PSMA6: variants seen among roughly 807,000 people sequenced by gnomAD.
The protein encoded by PSMA6 is proteasome subunit alpha type-6.
For synonymous variants in PSMA6, 88 were observed against 97.7 expected (o/e 0.90, Z 0.59); for missense variants, 170 against 294.8 (o/e 0.58, Z 3.10).
chr14:35,296,597 G>A (rs2051593817), intron 1 of PSMA6, among the ~76,000 whole-genome samples: 1 of 152,088 alleles, frequency 6.6e-6, no homozygotes, highest in African/African-American at 2.4e-5. Context: ...CCAAAGTTCT[G>A]GGATTACAAG....
chr14:35,278,730 A>T, intron 1 of PSMA6: 6 of 1,534,154 alleles, frequency 3.9e-6, no homozygotes, highest in Non-Finnish European at 5.2e-6. Context: ...TAAGTCCCTC[A>T]CTCAGACTTG....
chr14:35,289,978 G>T (rs1456161301), upstream of PSMA6, among the ~76,000 whole-genome samples: 1 of 150,898 alleles, frequency 6.6e-6, no homozygotes, highest in African/African-American at 2.4e-5. Context: ...CAGAGGGGGA[G>T]AAGTATTAAG....
intron 6 of PSMA6, 198 bp from the exon 7 acceptor site, chr14:35,317,051 A>G (rs904539874): frequency 4.0e-6 from 2 of 500,556 alleles, no homozygotes; most frequent in Non-Finnish European, 7.1e-6. Flanking sequence ...TGAAGGTGGT[A>G]TAATATCTGG....
chr14:35,306,523 G>C (rs1361110315), intron 1 of PSMA6, among the ~76,000 whole-genome samples: 5 of 152,096 alleles, frequency 3.3e-5, no homozygotes, highest in African/African-American at 1.2e-4. Flanking sequence ...AGTCAACATG[G>C]TGAAACCCTG....
intron 1 of PSMA6, among the ~76,000 whole-genome samples, chr14:35,286,390 C>T (rs916818880): frequency 6.6e-6 from 1 of 152,164 alleles, no homozygotes; most frequent in African/African-American, 2.4e-5. Context: ...ACGGTTAAGC[C>T]CAAGCCAGCT....
At chr14:35,289,988 G>T (rs2051460921), upstream of PSMA6, among the ~76,000 whole-genome samples, 1 of 149,734 alleles carries the variant, frequency 6.7e-6, no homozygotes, top group Non-Finnish European at 1.5e-5. Context: ...GAAGTATTAA[G>T]AAATTAAGAC....
At chr14:35,311,017 G>T in intron 4 of PSMA6, 122 bp downstream of exon 4, 3 of 934,740 alleles carry the variant, frequency 3.2e-6, no homozygotes, top group Non-Finnish European at 3.2e-6. Context: ...TACATAGAGT[G>T]GGAAAATCTT....
At chr14:35,311,787 G>T (rs1268867304) in intron 4 of PSMA6, among the ~76,000 whole-genome samples, 1 of 152,148 alleles carries the variant, frequency 6.6e-6, no homozygotes, top group Non-Finnish European at 1.5e-5. Context: ...CTTGGTTTGT[G>T]TGACTTACTA....
chr14:35,291,325 C>G (rs1183265783), upstream of PSMA6, among the ~76,000 whole-genome samples: 1 of 151,912 alleles, frequency 6.6e-6, no homozygotes, highest in Non-Finnish European at 1.5e-5. Flanking sequence ...TCACGCCGTT[C>G]TCCTGCCTCA....
chr14:35,284,411 C>T lies in PSMA6; in HGVS notation c.19+5693C>T, dbSNP rs574138325. Reference sequence around the variant, plus strand: ...CCTTTGGCCCGTGAGCATATAAGGTCATTTTCTCATCTGTGCTGCTCTGTT... The same window carrying T: ...CCTTTGGCCCGTGAGCATATAAGGTTATTTTCTCATCTGTGCTGCTCTGTT... On this transcript the variant is annotated intron_variant, in intron 1 of 6. Transcript: ENST00000540871. Among the ~76,000 whole-genome samples the T allele has an allele frequency of 3.4e-3, 523 of 152,188 alleles. 2 individuals carry two copies. The highest frequency in any genetic ancestry group is 5.0e-3 in the Non-Finnish European group (337 of 68,002).
chr14:35,314,470 G>A lies in PSMA6; in HGVS notation c.683+15G>A. ...CCTAAATTCAGGTGAGTGATATTGT[G>A]GGCCACATGCAGACTAGAAAGGTGG... is the stretch of plus-strand genomic sequence containing the variant. On this transcript the variant is annotated intron_variant, in intron 6 of 6. Transcript: ENST00000261479. The A allele has an allele frequency of 6.2e-7, 1 of 1,605,598 alleles. No individual in the cohort carries two copies. The highest frequency in any genetic ancestry group is 8.5e-7 in the Non-Finnish European group (1 of 1,174,866).
rs59477296 is a variant in PSMA6, at chr14:35,314,947, ATGTGTGTGTGTG to A, written c.683+518_683+529del. The A allele has an allele frequency of 3.9e-3, 556 of 141,224 alleles. 2 individuals are homozygous for A. Among genetic ancestry groups the A allele is most frequent in the Admixed American group, 9.7e-3 (134 of 13,812 alleles). The allele number at this position is 141,224 out of a possible 1,614,324, so 8.7% of individuals were successfully genotyped here. A position where few individuals can be genotyped will look rare whatever the true frequency, so the allele number is the denominator to read the frequency against. ...CAGCTAATTGACTTGCAGTTGCTGG[ATGTGTGTGTGTG>A]TGTGTGTGTGTGTGTGTGTGTGTGT... On this transcript the variant is annotated intron_variant, in intron 6 of 6. Coordinates refer to ENST00000261479, the MANE Select transcript of PSMA6 (RefSeq NM_002791.3).
At chr14:35,309,074 G>A (rs1043573772) in intron 3 of PSMA6, 79 bp downstream of exon 3, 75 of 1,154,922 alleles carry the variant, frequency 6.5e-5, no homozygotes, top group Non-Finnish European at 8.8e-5. Context: ...TTTGAGTTTT[G>A]TATTAATTTT....
intron 1 of PSMA6, among the ~76,000 whole-genome samples, chr14:35,294,342 G>C (rs1438093604): frequency 6.6e-6 from 1 of 152,218 alleles, no homozygotes; most frequent in African/African-American, 2.4e-5. Context: ...AGCCTAGACA[G>C]AATGATTTTA....
intron 6 of PSMA6, chr14:35,315,025 T>C (rs939473175): frequency 6.6e-6 from 1 of 151,214 alleles, no homozygotes; most frequent in Non-Finnish European, 1.5e-5. Context: ...ATCAGCCTTA[T>C]AGCTTCCATG....
Position 35,300,808 on chromosome 14 carries a change from G to A in PSMA6, c.77-7186G>A, listed in dbSNP as rs189584423. Among the ~76,000 whole-genome samples, 79 of 152,246 alleles carry A rather than the reference G, an allele frequency of 5.2e-4. No homozygotes were observed. In the East Asian group the frequency reaches 0.014, roughly 27 times the overall value. On this transcript the variant is annotated intron_variant, in intron 1 of 6. Coordinates refer to ENST00000261479, the MANE Select transcript of PSMA6 (RefSeq NM_002791.3). ...ATAAGAATGGACATTTCTTGGGAAA[G>A]GGCAGGAGGTTAGAGTCAAGAGTGA...
intron 1 of PSMA6, among the ~76,000 whole-genome samples, chr14:35,295,029 A>T (rs55693281): frequency 0.13 from 19,215 of 152,190 alleles, 1,419 homozygotes; most frequent in Middle Eastern, 0.22. Context: ...CAAAAAATAG[A>T]GGTAGACATT....
intron 1 of PSMA6, among the ~76,000 whole-genome samples, chr14:35,284,130 A>ATCCAAGGCCAGCTCCTT (rs1048057574): frequency 2.0e-5 from 3 of 152,196 alleles, no homozygotes; most frequent in Non-Finnish European, 2.9e-5. Flanking sequence ...TTAGCTTAGT[A>ATCCAAGGCCAGCTCCTT]TCCAAGGCCA....
upstream of PSMA6, among the ~76,000 whole-genome samples, chr14:35,287,543 A>G (rs2051434735): frequency 6.6e-6 from 1 of 152,120 alleles, no homozygotes; most frequent in African/African-American, 2.4e-5. Context: ...GGGAATCTAC[A>G]CTGCCACTTT....
Sources: gnomAD v4.1 joint callset for allele counts (sites outside exome capture counted in the v4.1 genomes callset) on GRCh38, gnomAD v4.1.1 for gene constraint, MANE v1.5 for transcripts, NCBI Gene and HGNC (gene_info 2026-07-23, HGNC 2026-07-21) for gene names.